The following RASEF variants were observed in gnomAD, a reference collection of about 807,000 sequenced individuals.
RASEF encodes RAS and EF-hand domain containing, also known as ras and EF-hand domain-containing protein.
RASEF carries 68 observed loss-of-function variants against 90.1 expected under a neutral mutation model. The observed-to-expected ratio is 0.75, with a 90% confidence interval of 0.62 to 0.92. The LOEUF is 0.92. Ranked by LOEUF, RASEF falls within the 40% of genes least tolerant of loss-of-function variation. The pLI is 0.00. For synonymous variants in RASEF, 331 were observed against 345.2 expected (o/e 0.96, Z 0.46); for missense variants, 949 against 937.2 (o/e 1.01, Z -0.16).
chr9:83,020,416 T>A (rs1231020774), intron 3 of RASEF, among the ~76,000 whole-genome samples: 1 of 152,156 alleles, frequency 6.6e-6, no homozygotes, highest in African/African-American at 2.4e-5. Flanking sequence ...GGAAAAATCT[T>A]AGACTGGCCT....
chr9:82,997,074 G>A lies in RASEF; in HGVS notation c.1858C>T (p.Leu620=), dbSNP rs749939565. The change falls in exon 14 of 17, where the codon CTG becomes TTG. Residue 620 remains leucine, a synonymous_variant. Coordinates refer to ENST00000376447, the MANE Select transcript of RASEF (RefSeq NM_152573.4). The stretch of plus-strand genomic sequence containing the variant: ...CTTTTCTCACATGTAACATCATACA[G>A]CAGCAAAACACCATCTGCCTTTCTG... ...YFRKADGVLL[L]YDVTCEKSFL... The A allele has an allele frequency of 6.2e-7, 1 of 1,613,530 alleles. No homozygotes were observed. The highest frequency in any genetic ancestry group is 8.5e-7 in the Non-Finnish European group (1 of 1,179,542).
At chr9:83,191,636 C>A in the RASEF span, among the ~76,000 whole-genome samples, 3 of 152,142 alleles carry the variant, frequency 2.0e-5, no homozygotes, top group Non-Finnish European at 2.9e-5. Context: ...CACACCAACC[C>A]TTGGAGAAAA....
the RASEF span, among the ~76,000 whole-genome samples, chr9:83,199,624 G>A: frequency 6.6e-6 from 1 of 152,156 alleles, no homozygotes; most frequent in African/African-American, 2.4e-5. Flanking sequence ...AGGCACTAAA[G>A]GACAACATCT....
the RASEF span, among the ~76,000 whole-genome samples, chr9:83,105,506 GT>G: frequency 6.6e-6 from 1 of 152,134 alleles, no homozygotes; most frequent in African/African-American, 2.4e-5. Flanking sequence ...TCCTCTCAGT[GT>G]ATTTGTGTTT....
chr9:83,097,587 C>T, the RASEF span, among the ~76,000 whole-genome samples: 1 of 152,096 alleles, frequency 6.6e-6, no homozygotes, highest in African/African-American at 2.4e-5. Context: ...AACAAGTGGG[C>T]GAAGGACATG....
At chr9:83,134,405 A>G in the RASEF span, among the ~76,000 whole-genome samples, 1 of 108,932 alleles carries the variant, frequency 9.2e-6, no homozygotes, top group Non-Finnish European at 1.9e-5. Context: ...TTTGATCACA[A>G]TAGCGCACAC....
intron 5 of RASEF, among the ~76,000 whole-genome samples, 175 bp downstream of exon 5, chr9:83,012,259 T>C (rs1290661274): frequency 2.6e-5 from 4 of 152,214 alleles, no homozygotes; most frequent in African/African-American, 9.6e-5. Context: ...AAGTGGCATA[T>C]TATTGAGGGA....
At chr9:83,092,003 CTTTTTTTTTTTTTTT>C in the RASEF span, among the ~76,000 whole-genome samples, 5 of 35,920 alleles carry the variant, frequency 1.4e-4, no homozygotes, top group African/African-American at 2.8e-4. Context: ...TCTTTTATTT[CTTTTTTTTTTTTTTT>C]TTTTTTTTTT....
At chr9:83,183,522 G>A in the RASEF span, among the ~76,000 whole-genome samples, 1 of 152,110 alleles carries the variant, frequency 6.6e-6, no homozygotes, top group African/African-American at 2.4e-5. Context: ...ATGAACATGA[G>A]TTTTAGAAAA....
At chr9:83,023,997 G>A (rs1389858397) in intron 2 of RASEF, among the ~76,000 whole-genome samples, 1 of 152,162 alleles carries the variant, frequency 6.6e-6, no homozygotes, top group African/African-American at 2.4e-5. Context: ...CTAGTCCGGG[G>A]CTCCCTCCAG....
At chr9:83,083,821 A>G in the RASEF span, among the ~76,000 whole-genome samples, 1 of 152,136 alleles carries the variant, frequency 6.6e-6, no homozygotes, top group South Asian at 2.1e-4. Flanking sequence ...AAGCTTAGCA[A>G]TATTTATTGC....
In RASEF at chr9:83,062,718, T is replaced by A; in HGVS notation, c.150A>T (p.Val50=). The change falls in exon 1 of 17, where the codon GTA becomes GTT. Residue 50 remains valine, a synonymous_variant. Transcript: ENST00000376447. The part of the protein sequence containing the change: ...LRVRPADAEA[V]FQRLDADRDG... Reference sequence around the variant, plus strand: ...CACGGTCGGCGTCCAGCCGCTGGAATACTGCCTCGGCGTCGGCCGGCCGCA... The same window carrying A: ...CACGGTCGGCGTCCAGCCGCTGGAAAACTGCCTCGGCGTCGGCCGGCCGCA... 9 of 1,578,312 alleles carry A rather than the reference T, an allele frequency of 5.7e-6. No homozygotes were observed. The highest frequency in any genetic ancestry group is 7.7e-6 in the Non-Finnish European group (9 of 1,170,844).
chr9:83,106,115 T>C, the RASEF span, among the ~76,000 whole-genome samples: 32 of 152,274 alleles, frequency 2.1e-4, no homozygotes, highest in Middle Eastern at 3.4e-3. Context: ...AGATCCAGCC[T>C]ATTCCTCCCC....
the RASEF span, among the ~76,000 whole-genome samples, chr9:83,209,814 C>T: frequency 6.6e-6 from 1 of 152,114 alleles, no homozygotes; most frequent in East Asian, 1.9e-4. Context: ...AGTCATGGTC[C>T]ATGTTGGCCT....
intron 9 of RASEF, among the ~76,000 whole-genome samples, chr9:83,002,371 A>T (rs1829056585): frequency 6.6e-6 from 1 of 152,128 alleles, no homozygotes; most frequent in Non-Finnish European, 1.5e-5. Flanking sequence ...ATACTGCTCA[A>T]TTACAAAGTC....
chr9:83,040,485 AAAGAT>A (rs770346206), intron 1 of RASEF, among the ~76,000 whole-genome samples: 5 of 152,238 alleles, frequency 3.3e-5, no homozygotes, highest in Non-Finnish European at 7.3e-5. Flanking sequence ...AGCTTCTACA[AAAGAT>A]AAGGATTTGC....
At chr9:83,136,266 A>T in the RASEF span, among the ~76,000 whole-genome samples, 448 of 152,190 alleles carry the variant, frequency 2.9e-3, 2 homozygotes, top group Middle Eastern at 0.054. Context: ...GTCTTCACAC[A>T]TCTTTAGAAT....
the RASEF span, among the ~76,000 whole-genome samples, chr9:83,144,885 T>G: frequency 6.6e-6 from 1 of 152,192 alleles, no homozygotes; most frequent in African/African-American, 2.4e-5. Context: ...AAGGATAATC[T>G]GTTACTTTAA....
chr9:83,175,077 G>A, the RASEF span, among the ~76,000 whole-genome samples: 1 of 152,070 alleles, frequency 6.6e-6, no homozygotes, highest in Non-Finnish European at 1.5e-5. Context: ...AATAGAGATA[G>A]TTTTAATTCT....
Sources: allele counts gnomAD v4.1 joint callset (sites outside exome capture counted in the v4.1 genomes callset), GRCh38; gene constraint gnomAD v4.1.1; transcripts MANE v1.5; gene names NCBI Gene and HGNC (gene_info 2026-07-23, HGNC 2026-07-21).